The following CNTNAP3 variants were observed in gnomAD, a reference collection of about 807,000 sequenced individuals.
CNTNAP3 encodes the protein contactin associated protein family member 3.
CNTNAP3 carries 36 observed loss-of-function variants against 92.1 expected under a neutral mutation model. The ratio of observed to expected loss-of-function variants is 0.39; its 90% CI spans 0.30 to 0.52. CNTNAP3 has a LOEUF of 0.52. Among genes scored for constraint, CNTNAP3 ranks in the 20% least tolerant of loss-of-function variants. The pLI is 0.76. For missense variants in CNTNAP3, 534 were observed against 1,069.6 expected (o/e 0.50, Z 6.98); for synonymous variants, 232 against 422.3 (o/e 0.55, Z 5.53).
intron 13 of CNTNAP3, among the ~76,000 whole-genome samples, chr9:39,125,397 T>C (rs897871982): frequency 6.6e-6 from 1 of 151,990 alleles, no homozygotes; most frequent in African/African-American, 2.4e-5. Context: ...TTAGGAGATA[T>C]AGCTAATGTA....
At chr9:39,133,173 G>T (rs1221491941) in intron 12 of CNTNAP3, 38 bp from the exon 13 acceptor site, 10 of 1,547,892 alleles carry the variant, frequency 6.5e-6, no homozygotes, top group Non-Finnish European at 8.7e-6. Flanking sequence ...ATCACTGGAC[G>T]GCAGAGGCCA....
chr9:39,077,909 T>C (rs1692851), intron 23 of CNTNAP3, among the ~76,000 whole-genome samples: 9 of 151,622 alleles, frequency 5.9e-5, no homozygotes, highest in Non-Finnish European at 1.0e-4. Context: ...AATATTGCCT[T>C]AGAAAATCAA....
rs1189901708 is a variant in CNTNAP3, at chr9:39,067,691, C to A, written c.*6199G>T. Among the ~76,000 whole-genome samples, 4 of 152,286 alleles carry A rather than the reference C, an allele frequency of 2.6e-5. No individual in the cohort carries two copies. Among genetic ancestry groups the A allele is most frequent in the African/African-American group, 4.8e-5 (2 of 41,470 alleles). ...GATTACAGGCATGAGCCACTGTGCC[C>A]GGCCTGGTGTTGGATAGTTTTATGT... is the stretch of plus-strand genomic sequence containing the variant. On this transcript the variant is annotated 3_prime_UTR_variant, in exon 24 of 24. Coordinates refer to ENST00000297668, the MANE Select transcript of CNTNAP3 (RefSeq NM_033655.5).
At chr9:39,140,995 C>T (rs982308684) in intron 11 of CNTNAP3, among the ~76,000 whole-genome samples, 18 of 152,132 alleles carry the variant, frequency 1.2e-4, no homozygotes, top group Non-Finnish European at 2.4e-4. Flanking sequence ...ATACTATCTT[C>T]AATAGACAAT....
intron 4 of CNTNAP3, among the ~76,000 whole-genome samples, chr9:39,184,405 CA>C (rs2118265654): frequency 6.9e-6 from 1 of 145,560 alleles, no homozygotes; most frequent in South Asian, 2.1e-4. Flanking sequence ...ATATCTTTGC[CA>C]AACACTTGGT....
intron 20 of CNTNAP3, chr9:39,086,168 A>G (rs772950915): frequency 7.6e-6 from 3 of 397,270 alleles, no homozygotes; most frequent in Non-Finnish European, 1.4e-5. Flanking sequence ...AATCTGAAAC[A>G]TAAAACCAAG....
chr9:39,141,614 A>G (rs1821576577), intron 11 of CNTNAP3, among the ~76,000 whole-genome samples: 1 of 152,178 alleles, frequency 6.6e-6, no homozygotes, highest in South Asian at 2.1e-4. Flanking sequence ...TATGGAATTA[A>G]TATCTGCAGG....
At position 39,071,108 on chromosome 9, in the gene CNTNAP3, TA is replaced by T. The variant is rs1243024850; in HGVS notation, c.*2781del. 6.6e-6 allele frequency among the ~76,000 whole-genome samples: 1 copy of T among 152,156 alleles called. No individual in the cohort carries two copies. The highest frequency in any genetic ancestry group is 1.5e-5 in the Non-Finnish European group (1 of 67,990). ...CATCTATAAAACTGAGGGAGCAGGT[TA>T]AAAAAATCTTACATGTTAATACATG... On this transcript the variant is annotated 3_prime_UTR_variant, in exon 24 of 24. Transcript: ENST00000297668.
At chr9:39,109,591 AT>A (rs1196113902) in intron 14 of CNTNAP3, among the ~76,000 whole-genome samples, 1 of 152,190 alleles carries the variant, frequency 6.6e-6, no homozygotes, top group African/African-American at 2.4e-5. Context: ...CTGGGTTGCA[AT>A]AAAAATTTAT....
intron 3 of CNTNAP3, among the ~76,000 whole-genome samples, chr9:39,226,940 G>A (rs13287903): frequency 0.13 from 669 of 5,086 alleles, 258 homozygotes; most frequent in East Asian, 0.92. Flanking sequence ...GTATATGTGT[G>A]TATATATATA....
intron 17 of CNTNAP3, among the ~76,000 whole-genome samples, chr9:39,100,975 G>A (rs1320073192): frequency 6.6e-6 from 1 of 150,784 alleles, no homozygotes; most frequent in Non-Finnish European, 1.5e-5. Flanking sequence ...CTATCAATCA[G>A]CTTTGTGGGT....
At chr9:39,128,059 G>A (rs1821190112) in intron 13 of CNTNAP3, among the ~76,000 whole-genome samples, 4 of 152,182 alleles carry the variant, frequency 2.6e-5, no homozygotes, top group Middle Eastern at 3.4e-3. Context: ...GGCAGGTCTC[G>A]AACTCCTGAC....
chr9:39,179,285 C>CTACACACACACACA (rs1563900271), intron 4 of CNTNAP3, among the ~76,000 whole-genome samples: 1 of 31,932 alleles, frequency 3.1e-5, no homozygotes, highest in African/African-American at 1.4e-4. Flanking sequence ...CTCTCTCTCT[C>CTACACACACACACA]TACACACACA....
intron 9 of CNTNAP3, among the ~76,000 whole-genome samples, chr9:39,158,272 C>T (rs1223653093): frequency 7.2e-6 from 1 of 139,020 alleles, no homozygotes; most frequent in Non-Finnish European, 1.5e-5. Flanking sequence ...TATTTAAAAT[C>T]GGTTCCTGAG....
In CNTNAP3 at chr9:39,135,123, C is replaced by A. The variant is rs576385350; in HGVS notation, c.1877-1988G>T. Among the ~76,000 whole-genome samples the A allele has an allele frequency of 6.6e-5, 10 of 152,288 alleles. No individual in the cohort carries two copies. In the East Asian group the frequency reaches 1.7e-3, roughly 26 times the overall value. ...TGTTTATAAAATTCCACTTGACTCA[C>A]TTCTCCTTATAATATCAGTAGTAAA... On this transcript the variant is annotated intron_variant, in intron 12 of 23. Transcript: ENST00000297668.
In CNTNAP3 at chr9:39,099,951, G is replaced by A; in HGVS notation, c.2955C>T (p.Asp985=). ...GCCCATCATAGGCTGAGAAGGCACA[G>A]TCACAGGTGACCCCCCTGCGTTTCT... ...CREKRRGVTC[D]CAFSAYDGPF... Residue 985 remains aspartate, a synonymous_variant, in exon 18 of 24, where the codon GAC becomes GAT. Coordinates refer to ENST00000297668, the MANE Select transcript of CNTNAP3 (RefSeq NM_033655.5). 1.2e-6 allele frequency: 2 copies of A among 1,610,542 alleles called. No homozygotes were observed. The highest frequency in any genetic ancestry group is 1.7e-6 in the Non-Finnish European group (2 of 1,179,122).
rs1825537228 is a variant in CNTNAP3, at chr9:39,067,590, G to T, written c.*6300C>A. ...TTTTTGTATGTTTAGTAGAGACGGG[G>T]TTTCCACCTTGTTAGCAGGATGGTC... On this transcript the variant is annotated 3_prime_UTR_variant, in exon 24 of 24. Coordinates refer to ENST00000297668, the MANE Select transcript of CNTNAP3 (RefSeq NM_033655.5). Among the ~76,000 whole-genome samples the T allele has an allele frequency of 6.6e-6, 1 of 152,428 alleles. No individual in the cohort carries two copies. The highest frequency in any genetic ancestry group is 2.4e-5 in the African/African-American group (1 of 41,610).
At chr9:39,083,789 G>A (rs894449081) in intron 21 of CNTNAP3, among the ~76,000 whole-genome samples, 1 of 151,704 alleles carries the variant, frequency 6.6e-6, no homozygotes, top group African/African-American at 2.4e-5. Context: ...AGTATTTTAG[G>A]TGTCTGCATT....
chr9:39,115,369 A>T (rs1820832067), intron 14 of CNTNAP3, among the ~76,000 whole-genome samples: 1 of 151,982 alleles, frequency 6.6e-6, no homozygotes, highest in Admixed American at 6.6e-5. Context: ...ACCTTAATCT[A>T]AATTATTACA....
Sources: allele counts gnomAD v4.1 joint callset (sites outside exome capture counted in the v4.1 genomes callset), GRCh38; gene constraint gnomAD v4.1.1; transcripts MANE v1.5; gene names NCBI Gene and HGNC (gene_info 2026-07-23, HGNC 2026-07-21).